Variants in RBM20 observed in about 807,000 individuals in gnomAD.
RBM20 encodes RNA binding motif protein 20.
Under a neutral mutation model 110.1 loss-of-function variants are expected in RBM20, and 51 were observed. The ratio of observed to expected loss-of-function variants is 0.46; its 90% CI spans 0.37 to 0.59. The LOEUF (loss-of-function observed/expected upper bound fraction) is 0.59. RBM20 is among the 20% of genes least tolerant of loss of function. The pLI, the probability that RBM20 is intolerant of heterozygous loss-of-function variation, is 0.00. For missense variants in RBM20, 1,512 were observed against 1,574.9 expected (o/e 0.96, Z 0.68); for synonymous variants, 589 against 618.2 (o/e 0.95, Z 0.70).
chr10:110,727,406 T>TAAATAAAAAAA (rs1564827057), intron 1 of RBM20, among the ~76,000 whole-genome samples: 48 of 78,252 alleles, frequency 6.1e-4, no homozygotes, highest in African/African-American at 2.1e-3. Flanking sequence ...TCTCAAAAAA[T>TAAATAAAAAAA]AAAAATAAAA....
rs916187508 is a variant in RBM20, at chr10:110,839,258, T to C, written c.*3280T>C. ...CCGAGGCTGTGACCTGTTAGATAAT[T>C]AGATTATACTTGAACTGGACCAGAG... On this transcript the variant is annotated 3_prime_UTR_variant, in exon 14 of 14. Coordinates refer to ENST00000369519, the MANE Select transcript of RBM20 (RefSeq NM_001134363.3). 6.6e-6 allele frequency: 1 copy of C among 152,198 alleles called. No individual in the cohort carries two copies. Among genetic ancestry groups the C allele is most frequent in the African/African-American group, 2.4e-5 (1 of 41,452 alleles). The allele number at this position is 152,198 out of a possible 1,614,324, so 9.4% of individuals were successfully genotyped here. A position where few individuals can be genotyped will look rare whatever the true frequency, so the allele number is the denominator to read the frequency against.
chr10:110,810,523 T>C, intron 8 of RBM20, 61 bp downstream of exon 8: 1 of 1,228,140 alleles, frequency 8.1e-7, no homozygotes, highest in Non-Finnish European at 1.2e-6. Context: ...GACTCCTGTT[T>C]CTCATTCTTA....
Position 110,833,390 on chromosome 10 carries a change from G to GA in RBM20, c.3573+2224dup, listed in dbSNP as rs56842641. Among the ~76,000 whole-genome samples the GA allele has an allele frequency of 5.2e-3, 323 of 62,222 alleles. 15 individuals are homozygous for GA. The highest frequency in any genetic ancestry group is 0.016 in the African/African-American group (277 of 16,824). 40.8% of individuals were successfully genotyped at this position (62,222 alleles called of 152,430 possible). On this transcript the variant is annotated intron_variant, in intron 13 of 13. Coordinates refer to ENST00000369519, the MANE Select transcript of RBM20 (RefSeq NM_001134363.3). ...GGTGACGGAGCGAAACTCTGTCTCA[G>GA]AAAAAAAAAAAAAAAAGAAATGCAG...
chr10:110,688,030 TG>T (rs1862531696), intron 1 of RBM20, among the ~76,000 whole-genome samples: 1 of 147,280 alleles, frequency 6.8e-6, no homozygotes, highest in Non-Finnish European at 1.5e-5. Flanking sequence ...TGTGTGTGTG[TG>T]TGTGTATGTG....
chr10:110,731,082 A>C (rs1251068316), intron 1 of RBM20, among the ~76,000 whole-genome samples: 2 of 152,098 alleles, frequency 1.3e-5, no homozygotes, highest in African/African-American at 4.8e-5. Context: ...AGTGAGTTTG[A>C]GGTATGAAAC....
Position 110,720,917 on chromosome 10 carries a change from G to A in RBM20, c.192-59884G>A, listed in dbSNP as rs551015093. ...CAGGCCCTCCATGGCCTTCACCTTC[G>A]TTTCCTCTCACTTCATTTCCCGTGC... On this transcript the variant is annotated intron_variant, in intron 1 of 13. Coordinates refer to ENST00000369519, the MANE Select transcript of RBM20 (RefSeq NM_001134363.3). Among the ~76,000 whole-genome samples, 23 of 152,294 alleles carry A rather than the reference G, an allele frequency of 1.5e-4. No homozygotes were observed. In the East Asian group the frequency reaches 1.7e-3, roughly 11 times the overall value.
Position 110,741,300 on chromosome 10 carries a change from C to T in RBM20, c.192-39501C>T, listed in dbSNP as rs571716930. 5.3e-5 allele frequency among the ~76,000 whole-genome samples: 8 copies of T among 152,274 alleles called. No individual in the cohort carries two copies. The East Asian group carries it at 5.8e-4, about 11-fold the overall frequency. On this transcript the variant is annotated intron_variant, in intron 1 of 13. Coordinates refer to ENST00000369519, the MANE Select transcript of RBM20 (RefSeq NM_001134363.3). ...AATAAGAAATCATCTGTAGAGGTGA[C>T]GTAGAAAGCACAGATAATAGAGAAA...
chr10:110,768,003 G>A (rs1056849049), intron 1 of RBM20, among the ~76,000 whole-genome samples: 2 of 152,248 alleles, frequency 1.3e-5, no homozygotes, highest in African/African-American at 4.8e-5. Context: ...CGAGGCTGGC[G>A]GATCACTCGC....
chr10:110,668,266 A>AG (rs5787864), intron 1 of RBM20, among the ~76,000 whole-genome samples: 142,696 of 152,222 alleles, frequency 0.94, 67,563 homozygotes, highest in East Asian at 1. Flanking sequence ...CCAAAAGGGA[A>AG]TTAGGGACCA....
At chr10:110,814,448 T>A (rs2135109151) in intron 9 of RBM20, among the ~76,000 whole-genome samples, 1 of 152,226 alleles carries the variant, frequency 6.6e-6, no homozygotes, top group African/African-American at 2.4e-5. Flanking sequence ...GAGAGGGTGA[T>A]ATTTGAGCTG....
At chr10:110,835,057 G>C (rs1307871548) in intron 13 of RBM20, 2 of 152,218 alleles carry the variant, frequency 1.3e-5, no homozygotes, top group Non-Finnish European at 2.9e-5. Flanking sequence ...AGGTTGTTAA[G>C]AGTCTCAAAT....
chr10:110,826,729 C>G (rs949789540), intron 12 of RBM20, among the ~76,000 whole-genome samples: 1 of 151,832 alleles, frequency 6.6e-6, no homozygotes, highest in East Asian at 1.9e-4. Context: ...ATTACAGGCA[C>G]CTGCCACCAC....
chr10:110,735,886 G>C (rs1325401843), intron 1 of RBM20, among the ~76,000 whole-genome samples: 1 of 152,208 alleles, frequency 6.6e-6, no homozygotes, highest in African/African-American at 2.4e-5. Flanking sequence ...CTCATGGCTA[G>C]ATTAGTGAAC....
In RBM20 at chr10:110,708,395, G is replaced by A. The variant is rs1292846864; in HGVS notation, c.191+63750G>A. Among the ~76,000 whole-genome samples, 8 of 152,244 alleles carry A rather than the reference G, an allele frequency of 5.3e-5. No individual in the cohort carries two copies. In the East Asian group the frequency reaches 7.7e-4, roughly 15 times the overall value. ...TGTATGTGAATTTGTGAGGACCAGC[G>A]TGATGAACTTTCATGTAGATAATTT... On this transcript the variant is annotated intron_variant, in intron 1 of 13. Transcript: ENST00000369519.
intron 11 of RBM20, chr10:110,822,423 G>A (rs763604817): frequency 1.3e-5 from 6 of 455,048 alleles, no homozygotes; most frequent in Middle Eastern, 3.3e-4. Context: ...CCCATTTTTT[G>A]CTAGGGTCTG....
chr10:110,833,664 T>C (rs1160351556), intron 13 of RBM20, among the ~76,000 whole-genome samples: 1 of 152,212 alleles, frequency 6.6e-6, no homozygotes, highest in African/African-American at 2.4e-5. Flanking sequence ...CCCAGGGCAG[T>C]GGACTGCACT....
rs117065391 is a variant in RBM20, at chr10:110,825,551, G to T, written c.3451+1937G>T. ...GCCCAGTTTTTCTCTCACAAAAATG[G>T]GATCACACTACACACATAATGTTCT... On this transcript the variant is annotated intron_variant, in intron 12 of 13. Coordinates refer to ENST00000369519, the MANE Select transcript of RBM20 (RefSeq NM_001134363.3). 7.9e-3 allele frequency among the ~76,000 whole-genome samples: 1,197 copies of T among 152,238 alleles called. 18 individuals are homozygous for T. The highest frequency in any genetic ancestry group is 8.8e-3 in the Non-Finnish European group (598 of 68,018).
Position 110,668,644 on chromosome 10 carries a change from G to A in RBM20, c.191+23999G>A, listed in dbSNP as rs116548102. 6.0e-3 allele frequency among the ~76,000 whole-genome samples: 921 copies of A among 152,238 alleles called. 7 individuals carry two copies. The highest frequency in any genetic ancestry group is 0.021 in the African/African-American group (859 of 41,540). Reference sequence around the variant, plus strand: ...TGAACAAGTGTCGTTCCTGCCCAGAGAGTTTGCGATGAGTGATGAGAGTGC... The same window carrying A: ...TGAACAAGTGTCGTTCCTGCCCAGAAAGTTTGCGATGAGTGATGAGAGTGC... On this transcript the variant is annotated intron_variant, in intron 1 of 13. Coordinates refer to ENST00000369519, the MANE Select transcript of RBM20 (RefSeq NM_001134363.3).
At chr10:110,763,876 G>T (rs1357435336) in intron 1 of RBM20, among the ~76,000 whole-genome samples, 1 of 144,798 alleles carries the variant, frequency 6.9e-6, no homozygotes. Context: ...ATTATCTTTT[G>T]TGGTGGTTGT....
Sources: gnomAD v4.1 joint callset for allele counts (sites outside exome capture counted in the v4.1 genomes callset) on GRCh38, gnomAD v4.1.1 for gene constraint, MANE v1.5 for transcripts, NCBI Gene and HGNC (gene_info 2026-07-23, HGNC 2026-07-21) for gene names.